Variants in CDH4 observed in about 807,000 individuals in gnomAD.
The protein encoded by CDH4 is cadherin 4, also known as cadherin-4.
A neutral mutation model predicts 86.0 loss-of-function variants in CDH4; 33 were observed. The ratio of observed to expected loss-of-function variants is 0.38; its 90% CI spans 0.29 to 0.51. The LOEUF is 0.51. Ranked by LOEUF, CDH4 falls within the 20% of genes least tolerant of loss-of-function variation. CDH4 has a pLI of 0.86. For synonymous variants in CDH4, 555 were observed against 549.4 expected (o/e 1.01, Z -0.14); for missense variants, 1,114 against 1,307.4 (o/e 0.85, Z 2.28).
At chr20:61,270,267 G>A (rs375271091) in intron 2 of CDH4, among the ~76,000 whole-genome samples, 29 of 152,242 alleles carry the variant, frequency 1.9e-4, no homozygotes, top group Non-Finnish European at 2.1e-4. Context: ...CTTGGGCAGC[G>A]ATGAACTGAT....
At chr20:61,652,725 A>G (rs939467273) in intron 2 of CDH4, among the ~76,000 whole-genome samples, 1 of 151,794 alleles carries the variant, frequency 6.6e-6, no homozygotes, top group Non-Finnish European at 1.5e-5. Context: ...GAATCTTGAA[A>G]TTGAATTTTT....
chr20:61,766,384 C>G lies in CDH4; in HGVS notation c.397-6619C>G, dbSNP rs189136042. On this transcript the variant is annotated intron_variant, in intron 3 of 15. Coordinates refer to ENST00000614565, the MANE Select transcript of CDH4 (RefSeq NM_001794.5). ...TCCTAGGCCCCCCTTGGCCCAGCCT[C>G]CAGGCTGCAGGAGTCTTGCCCTCTC... Among the ~76,000 whole-genome samples, 4 of 152,196 alleles carry G rather than the reference C, an allele frequency of 2.6e-5. No homozygotes were observed. The East Asian group carries it at 7.7e-4, about 29-fold the overall frequency.
chr20:61,286,519 A>T (rs901195737), intron 2 of CDH4, among the ~76,000 whole-genome samples: 1 of 152,242 alleles, frequency 6.6e-6, no homozygotes. Flanking sequence ...GTTTCAGTTC[A>T]GAAGTCAAGA....
At chr20:61,329,344 GT>G (rs1273749632) in intron 2 of CDH4, among the ~76,000 whole-genome samples, 318 of 151,786 alleles carry the variant, frequency 2.1e-3, no homozygotes, top group East Asian at 3.7e-3. Flanking sequence ...GGTCCTCATG[GT>G]TCCCTCGTGG....
At chr20:61,528,716 C>T (rs2085930851) in intron 2 of CDH4, among the ~76,000 whole-genome samples, 1 of 152,122 alleles carries the variant, frequency 6.6e-6, no homozygotes, top group African/African-American at 2.4e-5. Flanking sequence ...AGATGAACAA[C>T]GATGATTTAG....
At chr20:61,720,984 C>T (rs7264797) in intron 2 of CDH4, among the ~76,000 whole-genome samples, 5,010 of 152,184 alleles carry the variant, frequency 0.033, 287 homozygotes, top group African/African-American at 0.11. Context: ...TCAGATCCGA[C>T]GTTCCGAGGG....
Position 61,692,829 on chromosome 20 carries a change from T to C in CDH4, c.170-50734T>C, listed in dbSNP as rs977011240. Among the ~76,000 whole-genome samples the C allele has an allele frequency of 4.8e-5, 7 of 145,684 alleles. No individual in the cohort carries two copies. In the East Asian group the frequency reaches 1.4e-3, roughly 29 times the overall value. On this transcript the variant is annotated intron_variant, in intron 2 of 15. Transcript: ENST00000614565. Reference sequence around the variant, plus strand: ...TCTACTAGCAAGCAAGCTTTTTTGTTTTTTGTTTTTTGTTTTTTTTTTTGC... The same window carrying C: ...TCTACTAGCAAGCAAGCTTTTTTGTCTTTTGTTTTTTGTTTTTTTTTTTGC...
chr20:61,583,492 A>G (rs1218570674), intron 2 of CDH4, among the ~76,000 whole-genome samples: 2 of 152,122 alleles, frequency 1.3e-5, no homozygotes, highest in African/African-American at 4.8e-5. Flanking sequence ...GTCCCATGGA[A>G]GGCATCCAGG....
chr20:61,879,519 G>A lies in CDH4; in HGVS notation c.1050+5619G>A, dbSNP rs538668931. 3.9e-5 allele frequency among the ~76,000 whole-genome samples: 6 copies of A among 152,264 alleles called. No homozygotes were observed. In the East Asian group the frequency reaches 5.8e-4, roughly 15 times the overall value. ...AAGAAAATCCACAAACATCATTGCC[G>A]CCGTGTCTAATTAGGCAGAGCTATG... On this transcript the variant is annotated intron_variant, in intron 7 of 15. Coordinates refer to ENST00000614565, the MANE Select transcript of CDH4 (RefSeq NM_001794.5). The surrounding 1 kb of genome is among the most constrained non-coding windows in gnomAD (Gnocchi z 4.1).
At chr20:61,304,261 G>T (rs919127893) in intron 2 of CDH4, among the ~76,000 whole-genome samples, 6 of 60,194 alleles carry the variant, frequency 1.0e-4, no homozygotes, top group Admixed American at 7.3e-4. Context: ...ATAGTGGACG[G>T]CACCCCCCCA....
intron 2 of CDH4, among the ~76,000 whole-genome samples, chr20:61,318,590 C>A: frequency 6.6e-6 from 1 of 152,106 alleles, no homozygotes; most frequent in Non-Finnish European, 1.5e-5. Context: ...AGAAGGGCAC[C>A]ATGGTCCAGA....
At chr20:61,616,392 C>T (rs2086725481) in intron 2 of CDH4, among the ~76,000 whole-genome samples, 1 of 152,214 alleles carries the variant, frequency 6.6e-6, no homozygotes, top group Non-Finnish European at 1.5e-5. Context: ...TGGAGACCCA[C>T]TCCTGCATTG....
At chr20:61,307,883 C>T (rs2084426042) in intron 2 of CDH4, among the ~76,000 whole-genome samples, 1 of 152,218 alleles carries the variant, frequency 6.6e-6, no homozygotes, top group African/African-American at 2.4e-5. Flanking sequence ...TCTCACATAT[C>T]CTGCCTGGAA....
At chr20:61,936,391 CCCCA>C in intron 15 of CDH4, among the ~76,000 whole-genome samples, 1 of 11,702 alleles carries the variant, frequency 8.5e-5, no homozygotes, top group East Asian at 4.5e-3. Flanking sequence ...ACACCCCCTC[CCCCA>C]CACCCCCTCC....
At chr20:61,804,765 CAGA>C (rs1980035969) in intron 4 of CDH4, among the ~76,000 whole-genome samples, 1 of 152,212 alleles carries the variant, frequency 6.6e-6, no homozygotes. Context: ...AGTACGAAAC[CAGA>C]AGAAGAGATG....
At chr20:61,446,240 A>G (rs1410567890) in intron 2 of CDH4, among the ~76,000 whole-genome samples, 1 of 152,166 alleles carries the variant, frequency 6.6e-6, no homozygotes, top group Non-Finnish European at 1.5e-5. Flanking sequence ...GCCTACTGCT[A>G]TTTTCTTATA....
intron 2 of CDH4, among the ~76,000 whole-genome samples, chr20:61,706,926 C>T (rs746254426): frequency 1.2e-4 from 19 of 152,318 alleles, no homozygotes; most frequent in Middle Eastern, 3.4e-3. Context: ...GTCTGTGGCA[C>T]GTGGTGGGGG....
intron 2 of CDH4, among the ~76,000 whole-genome samples, chr20:61,679,537 C>T (rs752279008): frequency 1.1e-4 from 17 of 152,210 alleles, no homozygotes; most frequent in South Asian, 8.3e-4. Flanking sequence ...GCTCCACCAA[C>T]GCCAGTGCAC....
chr20:61,531,673 C>T (rs1220132499), intron 2 of CDH4, among the ~76,000 whole-genome samples: 2 of 152,130 alleles, frequency 1.3e-5, no homozygotes, highest in African/African-American at 4.8e-5. Context: ...TGGAGGGCAG[C>T]GCCAAGTGCA....
Sources: allele counts gnomAD v4.1 joint callset (sites outside exome capture counted in the v4.1 genomes callset), GRCh38; gene constraint gnomAD v4.1.1; non-coding constraint Gnocchi (gnomAD v3.1); transcripts MANE v1.5; gene names NCBI Gene and HGNC (gene_info 2026-07-23, HGNC 2026-07-21).